MAP4K3: variants seen among roughly 807,000 people sequenced by gnomAD.
The protein encoded by MAP4K3 is mitogen-activated protein kinase kinase kinase kinase 3.
Under a neutral mutation model 143.5 loss-of-function variants are expected in MAP4K3, and 94 were observed. The observed-to-expected ratio is 0.65, with a 90% CI of 0.55 to 0.78. The LOEUF (loss-of-function observed/expected upper bound fraction) is 0.78, where lower values mean the gene tolerates loss of function less well. MAP4K3 is among the 30% of genes least tolerant of loss of function. The pLI is 0.00. For missense variants in MAP4K3, 1,077 were observed against 1,068.1 expected (o/e 1.01, Z -0.12); for synonymous variants, 416 against 347.2 (o/e 1.20, Z -2.20).
intron 1 of MAP4K3, among the ~76,000 whole-genome samples, chr2:39,411,537 T>C (rs114274393): frequency 6.6e-6 from 1 of 152,268 alleles, no homozygotes; most frequent in East Asian, 1.9e-4. Context: ...TTATGCTTAA[T>C]GTCTTTGCTA....
intron 26 of MAP4K3, among the ~76,000 whole-genome samples, chr2:39,268,634 A>AT (rs70954799): frequency 0.021 from 1,566 of 73,670 alleles, 207 homozygotes; most frequent in African/African-American, 0.063. Context: ...GATTTTTTCT[A>AT]TTTTTTTTTT....
At chr2:39,386,820 C>CTTTTT (rs56011585) in intron 1 of MAP4K3, among the ~76,000 whole-genome samples, 7 of 139,146 alleles carry the variant, frequency 5.0e-5, no homozygotes, top group Non-Finnish European at 9.1e-5. Context: ...TTTTGTTGTT[C>CTTTTT]TTTTTTTTTT....
At position 39,437,090 on chromosome 2, in the gene MAP4K3, G is replaced by T; in HGVS notation, c.-103C>A. The T allele has an allele frequency of 1.2e-6, 1 of 822,216 alleles. No homozygotes were observed. Among genetic ancestry groups the T allele is most frequent in the East Asian group, 3.3e-5 (1 of 30,188 alleles). The allele number at this position is 822,216 out of a possible 1,614,324, so 50.9% of individuals were successfully genotyped here. On this transcript the variant is annotated 5_prime_UTR_variant, in exon 1 of 34. Transcript: ENST00000263881. ...GCCGCGGCCGGCTCCCGGCTCCCCC[G>T]GCGGTCACAATCACCCGGCTCCACG...
chr2:39,389,073 G>A (rs1212492984), intron 1 of MAP4K3, among the ~76,000 whole-genome samples: 1 of 151,790 alleles, frequency 6.6e-6, no homozygotes, highest in Non-Finnish European at 1.5e-5. Context: ...AATAAAAGAA[G>A]GTATTAAATA....
intron 2 of MAP4K3, among the ~76,000 whole-genome samples, chr2:39,373,690 A>G (rs1666141590): frequency 6.6e-6 from 1 of 152,236 alleles, no homozygotes; most frequent in South Asian, 2.1e-4. Flanking sequence ...CAGGCACAGA[A>G]AGACAAACAT....
intron 1 of MAP4K3, 53 bp from the exon 2 acceptor site, chr2:39,378,176 G>A (rs922312436): frequency 5.0e-6 from 5 of 1,007,582 alleles, no homozygotes; most frequent in African/African-American, 1.7e-5. Context: ...CATAAAAAGT[G>A]TATAAAATTT....
chr2:39,325,446 G>A lies in MAP4K3; in HGVS notation c.918+72C>T, dbSNP rs1039441995. The A allele has an allele frequency of 4.1e-5, 40 of 986,616 alleles. No individual in the cohort carries two copies. In the African/African-American group the frequency reaches 4.1e-4, roughly 10 times the overall value. 61.1% of individuals were successfully genotyped at this position (986,616 alleles called of 1,614,324 possible). ...AAATTAAAAAAATGGATTTTGAGAC[G>A]TACATACAGACACACATATATACAT... On this transcript the variant is annotated intron_variant, in intron 12 of 33. Coordinates refer to ENST00000263881, the MANE Select transcript of MAP4K3 (RefSeq NM_003618.4).
chr2:39,413,581 C>G (rs1398573680), intron 1 of MAP4K3, among the ~76,000 whole-genome samples: 8 of 152,126 alleles, frequency 5.3e-5, no homozygotes, highest in African/African-American at 1.9e-4. Context: ...AATCCATTGA[C>G]TGTACATGCA....
chr2:39,331,957 T>C lies in MAP4K3; in HGVS notation c.490A>G (p.Thr164Ala). The C allele has an allele frequency of 6.3e-7, 1 of 1,575,762 alleles. No homozygotes were observed. ...ATGAAAGACTTCCGTTTGGCAATTG[T>C]AGCTGTTATCTGTGCAGATACTCCA... ...DFGVSAQITATIAKRKSFIGT... is the reference protein window; with the variant it reads ...DFGVSAQITAAIAKRKSFIGT... The change falls in exon 8 of 34, where the codon ACA (threonine) becomes GCA (alanine). Residue 164 changes from threonine to alanine, a missense_variant. Around this residue, in one of 2 missense-constraint regions of MAP4K3, gnomAD observed 213 missense variants for 266.8 expected, o/e 0.80. Transcript: ENST00000263881.
intron 15 of MAP4K3, among the ~76,000 whole-genome samples, chr2:39,306,483 T>C (rs1266593813): frequency 6.6e-6 from 1 of 152,200 alleles, no homozygotes; most frequent in Non-Finnish European, 1.5e-5. Context: ...CTACTTCCAA[T>C]GTTGGTTCTA....
rs369351580 is a variant in MAP4K3 at position 39,352,082 on chromosome 2, G to A, written c.245+4167C>T. 9.9e-5 allele frequency among the ~76,000 whole-genome samples: 15 copies of A among 152,284 alleles called. No individual in the cohort carries two copies. The East Asian group carries it at 2.1e-3, about 22-fold the overall frequency. On this transcript the variant is annotated intron_variant, in intron 3 of 33. Transcript: ENST00000263881. ...CCAGGCGTGGTGGCTCACAAGGTCA[G>A]GAGTTAAAGACCAGCCTGGCCAATA...
intron 8 of MAP4K3, among the ~76,000 whole-genome samples, chr2:39,326,784 G>A (rs1233856017): frequency 6.6e-6 from 1 of 152,084 alleles, no homozygotes; most frequent in African/African-American, 2.4e-5. Context: ...CTTTTCTCAT[G>A]ATAGTGAGCA....
chr2:39,435,701 T>C (rs1042438847), intron 1 of MAP4K3, among the ~76,000 whole-genome samples: 1 of 152,232 alleles, frequency 6.6e-6, no homozygotes, highest in African/African-American at 2.4e-5. Context: ...TGGAACCAAG[T>C]CTATCGTTTA....
intron 31 of MAP4K3, among the ~76,000 whole-genome samples, chr2:39,254,781 T>C (rs1445348671): frequency 6.6e-6 from 1 of 152,214 alleles, no homozygotes; most frequent in East Asian, 1.9e-4. Flanking sequence ...GTTTTTACTT[T>C]GTTGGCCAGG....
chr2:39,412,583 C>T (rs563305970), intron 1 of MAP4K3, among the ~76,000 whole-genome samples: 15 of 152,060 alleles, frequency 9.9e-5, no homozygotes, highest in African/African-American at 3.4e-4. Context: ...AAAAATAAAA[C>T]CCTAGAAACA....
chr2:39,271,580 C>G (rs901108583), intron 26 of MAP4K3, among the ~76,000 whole-genome samples: 1 of 152,120 alleles, frequency 6.6e-6, no homozygotes, highest in Non-Finnish European at 1.5e-5. Flanking sequence ...CACTCAACTT[C>G]AAACTAATTA....
rs560229243 is a variant in MAP4K3 at position 39,324,520 on chromosome 2, A to G, written c.918+998T>C. 4.1e-3 allele frequency among the ~76,000 whole-genome samples: 619 copies of G among 152,338 alleles called. 1 individual carries two copies. The highest frequency in any genetic ancestry group is 0.014 in the Middle Eastern group (4 of 294). ...CAAACTCTTTTCCAGACCCTTAAAC[A>G]AAAGGACAAATAGCTTATCTATCAT... On this transcript the variant is annotated intron_variant, in intron 12 of 33. Transcript: ENST00000263881.
Position 39,397,775 on chromosome 2 carries a change from T to C in MAP4K3, c.97-19652A>G, listed in dbSNP as rs188189287. Among the ~76,000 whole-genome samples the C allele has an allele frequency of 9.5e-4, 144 of 151,988 alleles. 1 individual carries two copies. The highest frequency in any genetic ancestry group is 3.3e-3 in the African/African-American group (135 of 41,438). ...GAATAGACAGACCAGTGGGACAAAA[T>C]ACAAAGTCCGGAAATACACCCATAT... On this transcript the variant is annotated intron_variant, in intron 1 of 33. Transcript: ENST00000263881.
At chr2:39,393,725 T>C (rs891653194) in intron 1 of MAP4K3, among the ~76,000 whole-genome samples, 3 of 152,260 alleles carry the variant, frequency 2.0e-5, no homozygotes, top group Non-Finnish European at 4.4e-5. Context: ...TGACCTTTGG[T>C]ATATGCAGGA....
Sources: allele counts gnomAD v4.1 joint callset (sites outside exome capture counted in the v4.1 genomes callset), GRCh38; gene constraint gnomAD v4.1.1; regional missense constraint gnomAD v4.1.1; transcripts MANE v1.5; gene names NCBI Gene and HGNC (gene_info 2026-07-23, HGNC 2026-07-21).